JAKMIP3: variants seen among roughly 807,000 people sequenced by gnomAD.
The protein encoded by JAKMIP3 is janus kinase and microtubule-interacting protein 3.
A neutral mutation model predicts 118.5 loss-of-function variants in JAKMIP3; 58 were observed. That is an observed-to-expected ratio of 0.49 (90% CI 0.40 to 0.61). The LOEUF (loss-of-function observed/expected upper bound fraction) is 0.61, where lower values mean the gene tolerates loss of function less well. Among genes scored for constraint, JAKMIP3 ranks in the 20% least tolerant of loss-of-function variants. The pLI is 0.00. For synonymous variants in JAKMIP3, 486 were observed against 451.2 expected (o/e 1.08, Z -0.98); for missense variants, 950 against 1,109.0 (o/e 0.86, Z 2.04).
chr10:132,104,497 G>A lies in JAKMIP3; in HGVS notation c.-137-175G>A, dbSNP rs945626390. Among the ~76,000 whole-genome samples, 5 of 152,210 alleles carry A rather than the reference G, an allele frequency of 3.3e-5. No individual in the cohort carries two copies. The South Asian group carries it at 8.3e-4, about 25-fold the overall frequency. ...CCCTGTCTGGGGGCACCATATGGCG[G>A]GCAGATGGGCTCTGAGGTCTGGGGC... On this transcript the variant is annotated intron_variant, in intron 1 of 23. Coordinates refer to ENST00000684848, the MANE Select transcript of JAKMIP3 (RefSeq NM_001323087.2).
At chr10:132,164,059 C>T (rs977603388) in intron 20 of JAKMIP3, among the ~76,000 whole-genome samples, 6 of 152,210 alleles carry the variant, frequency 3.9e-5, no homozygotes, top group East Asian at 1.9e-4. Context: ...TTAAGAACAC[C>T]ACTAGCGAAG....
chr10:132,063,164 G>T (rs1186296303), upstream of JAKMIP3, among the ~76,000 whole-genome samples: 1 of 152,178 alleles, frequency 6.6e-6, no homozygotes, highest in Admixed American at 6.5e-5. Context: ...CCGTGGGTGG[G>T]AAAGGGAAGC....
rs2060480700 is a variant in JAKMIP3, at chr10:132,179,353, G to T, written c.*1104-3004G>T. On this transcript the variant is annotated intron_variant, in intron 23 of 23. Coordinates refer to ENST00000684848, the MANE Select transcript of JAKMIP3 (RefSeq NM_001323087.2). The surrounding 1 kb of genome is among the most constrained non-coding windows in gnomAD (Gnocchi z 4.3). ...CTGGTTGGGGCTCCACCTGCACTAT[G>T]CCTGAGCTCCCCACATCCTACCTCT... is the stretch of plus-strand genomic sequence containing the variant. 6.6e-6 allele frequency among the ~76,000 whole-genome samples: 1 copy of T among 152,120 alleles called. No homozygotes were observed. The highest frequency in any genetic ancestry group is 1.5e-5 in the Non-Finnish European group (1 of 68,030).
At chr10:132,095,072 C>T (rs996384100) in intron 1 of JAKMIP3, among the ~76,000 whole-genome samples, 4 of 152,200 alleles carry the variant, frequency 2.6e-5, no homozygotes, top group Non-Finnish European at 5.9e-5. Flanking sequence ...GTCTCACTCC[C>T]ACTGTGTCCC....
chr10:132,164,800 C>T (rs1009048209), intron 21 of JAKMIP3, 65 bp downstream of exon 21: 18 of 1,095,804 alleles, frequency 1.6e-5, no homozygotes, highest in South Asian at 1.3e-4. Context: ...GGTGTCACCC[C>T]GACCTGAGTC....
intron 3 of JAKMIP3, among the ~76,000 whole-genome samples, chr10:132,122,032 C>T (rs2048620023): frequency 6.6e-6 from 1 of 152,222 alleles, no homozygotes; most frequent in South Asian, 2.1e-4. Context: ...TACTTTGGGT[C>T]TGTTTTGTTC....
intron 20 of JAKMIP3, among the ~76,000 whole-genome samples, chr10:132,164,032 T>A (rs143771888): frequency 4.0e-4 from 61 of 152,340 alleles, no homozygotes; most frequent in Non-Finnish European, 7.1e-4. Flanking sequence ...GAGGCGGCTT[T>A]ATGGATGTAT....
intron 19 of JAKMIP3, among the ~76,000 whole-genome samples, chr10:132,159,601 T>C (rs2136381362): frequency 9.3e-6 from 1 of 107,786 alleles, no homozygotes; most frequent in African/African-American, 3.6e-5. Context: ...GGGGCATGTC[T>C]TCCTATGTGA....
chr10:132,130,507 A>G (rs1389978385), intron 3 of JAKMIP3, among the ~76,000 whole-genome samples: 1 of 152,200 alleles, frequency 6.6e-6, no homozygotes, highest in Non-Finnish European at 1.5e-5. Context: ...CTGGAGGAAG[A>G]GGTGGTGTGA....
At chr10:132,072,258 G>A (rs1431869250) in intron 1 of JAKMIP3, among the ~76,000 whole-genome samples, 13 of 152,118 alleles carry the variant, frequency 8.5e-5, no homozygotes, top group South Asian at 2.1e-4. Flanking sequence ...TTTTTAAAAC[G>A]TTTAGGCTGG....
At position 132,046,418 on chromosome 10, in the gene JAKMIP3, T is replaced by C. The variant is rs369388726; in HGVS notation, c.-138+9680T>C. ...TTGCAGTGAGCCGAGATCGCGCCAC[T>C]GCACTCCAGCCTGGGTGACAGAGCA... On this transcript the variant is annotated intron_variant, in intron 1 of 23. Transcript: ENST00000657785. Among the ~76,000 whole-genome samples the C allele has an allele frequency of 6.8e-4, 103 of 151,614 alleles. 1 individual carries two copies. The highest frequency in any genetic ancestry group is 2.2e-3 in the African/African-American group (89 of 41,356).
intron 1 of JAKMIP3, among the ~76,000 whole-genome samples, chr10:132,037,063 G>A (rs1348679704): frequency 6.6e-6 from 1 of 152,236 alleles, no homozygotes; most frequent in Non-Finnish European, 1.5e-5. Flanking sequence ...CTCCGACTGT[G>A]CCTCCCGCGG....
At chr10:132,077,722 C>T (rs1180496445) in intron 1 of JAKMIP3, among the ~76,000 whole-genome samples, 1 of 152,236 alleles carries the variant, frequency 6.6e-6, no homozygotes, top group Non-Finnish European at 1.5e-5. Context: ...ACGATCTCAG[C>T]TCACTGCAAC....
intron 1 of JAKMIP3, among the ~76,000 whole-genome samples, chr10:132,096,902 A>G (rs910277187): frequency 1.3e-5 from 2 of 152,196 alleles, no homozygotes; most frequent in Non-Finnish European, 2.9e-5. Context: ...CCCAGAGCCA[A>G]CTGGCTCAGA....
At chr10:132,077,949 C>T (rs1385801958) in intron 1 of JAKMIP3, among the ~76,000 whole-genome samples, 1 of 152,196 alleles carries the variant, frequency 6.6e-6, no homozygotes, top group African/African-American at 2.4e-5. Context: ...GTAGCTGAGA[C>T]TACAGGCATG....
At chr10:132,154,085 T>A in intron 19 of JAKMIP3, 95 bp downstream of exon 19, 2 of 1,128,790 alleles carry the variant, frequency 1.8e-6, no homozygotes, top group Non-Finnish European at 2.6e-6. Flanking sequence ...GGTGCCCATG[T>A]GGGCCAGGTC....
Position 132,145,581 on chromosome 10 carries a change from G to A in JAKMIP3, c.1749+1G>A. On this transcript the variant is annotated splice_donor_variant, in intron 13 of 23. Coordinates refer to ENST00000684848, the MANE Select transcript of JAKMIP3 (RefSeq NM_001323087.2). LOFTEE classifies it high-confidence loss of function. ...GAGAAATCAAGAGCTTGTGGAAAAG[G>A]TGAGCCCCGAACCCCTGGAGGCCCT... 1.3e-6 allele frequency: 2 copies of A among 1,561,056 alleles called. No homozygotes were observed. The highest frequency in any genetic ancestry group is 1.4e-5 in the African/African-American group (1 of 73,606).
In JAKMIP3 at chr10:132,149,480, C is replaced by T. The variant is rs1259813557; in HGVS notation, c.1917C>T (p.Leu639=). 6.2e-7 allele frequency: 1 copy of T among 1,603,212 alleles called. No homozygotes were observed. Among genetic ancestry groups the T allele is most frequent in the Non-Finnish European group, 8.5e-7 (1 of 1,176,348 alleles). Residue 639 remains leucine (L), a synonymous_variant, in exon 15 of 24, where the codon CTC becomes CTT. Transcript: ENST00000684848. ...CCTTCGTGGACGGGAAGAGCCCCCT[C>T]CAGGTGTACTGCGAGGCCGAAGGTG... The part of the protein sequence containing the change: ...HTPFVDGKSP[L]QVYCEAEGVT...
intron 19 of JAKMIP3, among the ~76,000 whole-genome samples, chr10:132,162,443 G>C (rs1446475660): frequency 6.6e-6 from 1 of 152,246 alleles, no homozygotes; most frequent in Admixed American, 6.5e-5. Context: ...TTTGCTCTAA[G>C]AAGTGGAGGT....
Sources: gnomAD v4.1 joint callset for allele counts (sites outside exome capture counted in the v4.1 genomes callset) on GRCh38, gnomAD v4.1.1 for gene constraint, Gnocchi (gnomAD v3.1) non-coding constraint, MANE v1.5 for transcripts, NCBI Gene and HGNC (gene_info 2026-07-23, HGNC 2026-07-21) for gene names.